The following KLHL1 variants were observed in gnomAD, a reference collection of about 807,000 sequenced individuals.
KLHL1 encodes the protein kelch like family member 1, also known as kelch-like protein 1.
Under a neutral mutation model 77.7 loss-of-function variants are expected in KLHL1, and 47 were observed. The ratio of observed to expected loss-of-function variants is 0.60; its 90% CI spans 0.48 to 0.77. The LOEUF (loss-of-function observed/expected upper bound fraction) is 0.77, where lower values mean the gene tolerates loss of function less well. Ranked by LOEUF, KLHL1 falls within the 30% of genes least tolerant of loss-of-function variation. The probability of loss-of-function intolerance (pLI) is 0.00; values close to 1 mark genes in which losing one functional copy is unlikely to be tolerated. For synonymous variants in KLHL1, 360 were observed against 325.2 expected, an observed-to-expected ratio of 1.11 and a Z score of -1.15; for missense variants, 925 against 910.8, an observed-to-expected ratio of 1.02 and a Z score of -0.20.
In KLHL1 at chr13:69,802,753, A is replaced by T. The variant is rs550528284; in HGVS notation, c.1415-5791T>A. ...ACCCCCATAGAGTTGTGAGCCCTTA[A>T]AAAGGACAGGAATTGCTCAGTCAGG... On this transcript the variant is annotated intron_variant, in intron 6 of 10. Transcript: ENST00000377844. Among the ~76,000 whole-genome samples the T allele has an allele frequency of 9.2e-5, 14 of 151,912 alleles. No homozygotes were observed. The South Asian group carries it at 2.9e-3, about 32-fold the overall frequency.
intron 1 of KLHL1, among the ~76,000 whole-genome samples, chr13:70,046,205 G>C (rs542875967): frequency 1.3e-5 from 2 of 152,010 alleles, no homozygotes; most frequent in East Asian, 3.9e-4. Flanking sequence ...TTTGTCACTG[G>C]AGCATAAGTG....
rs1437309036 is a variant in KLHL1, at chr13:69,700,813, CAT to C, written c.*887_*888del. On this transcript the variant is annotated 3_prime_UTR_variant, in exon 11 of 11. Coordinates refer to ENST00000377844, the MANE Select transcript of KLHL1 (RefSeq NM_020866.3). ...TCATAAACACTCCAACTTAATGGAT[CAT>C]ATGTTTTTCTTTTGAAATTCTAAGT... is the stretch of plus-strand genomic sequence containing the variant. 2 of 152,270 alleles carry C rather than the reference CAT, an allele frequency of 1.3e-5. No individual in the cohort carries two copies. Among genetic ancestry groups the C allele is most frequent in the African/African-American group, 4.8e-5 (2 of 41,400 alleles). The allele number at this position is 152,270 out of a possible 1,614,324, so 9.4% of individuals were successfully genotyped here. A position where few individuals can be genotyped will look rare whatever the true frequency, so the allele number is the denominator to read the frequency against.
intron 6 of KLHL1, among the ~76,000 whole-genome samples, chr13:69,822,113 C>A (rs1029304277): frequency 1.3e-5 from 2 of 149,684 alleles, no homozygotes; most frequent in Admixed American, 6.7e-5. Flanking sequence ...GCAGGAGAAT[C>A]GCTTGAACCC....
chr13:69,720,967 G>A (rs1873018373), intron 8 of KLHL1, among the ~76,000 whole-genome samples: 1 of 129,020 alleles, frequency 7.8e-6, no homozygotes, highest in African/African-American at 2.8e-5. Context: ...TAAATCCTGG[G>A]ACTCCCAAAT....
chr13:69,839,161 A>G lies in KLHL1; in HGVS notation c.1229T>C (p.Ile410Thr), dbSNP rs1879144137. ...FIRLPLLPPQILADLENHALF... is the reference protein window; with the variant it reads ...FIRLPLLPPQTLADLENHALF... ...TGCATGATTTTCTAGGTCAGCCAAT[A>G]TCTGTGAATAATACACAATAGCTGT... is the stretch of plus-strand genomic sequence containing the variant. The change falls in exon 6 of 11, where the codon ATA becomes ACA. Residue 410 changes from isoleucine (I) to threonine (T), a missense_variant and splice_region_variant. Physicochemically the swap from Ile to Thr is moderately conservative, Grantham distance 89 (BLOSUM62 -1). Coordinates refer to ENST00000377844, the MANE Select transcript of KLHL1 (RefSeq NM_020866.3). 6.3e-7 allele frequency: 1 copy of G among 1,583,388 alleles called. No homozygotes were observed. Among genetic ancestry groups the G allele is most frequent in the Non-Finnish European group, 8.6e-7 (1 of 1,159,166 alleles).
chr13:70,051,087 G>A lies in KLHL1; in HGVS notation c.497+56116C>T, dbSNP rs189637045. Reference sequence around the variant, plus strand: ...AAGATATTGGAAATGTCTAAATCACGGATTTCTACAAAAATAGACGTGTGG... The same window carrying A: ...AAGATATTGGAAATGTCTAAATCACAGATTTCTACAAAAATAGACGTGTGG... On this transcript the variant is annotated intron_variant, in intron 1 of 10. Coordinates refer to ENST00000377844, the MANE Select transcript of KLHL1 (RefSeq NM_020866.3). Among the ~76,000 whole-genome samples the A allele has an allele frequency of 4.6e-3, 698 of 151,932 alleles. 4 individuals are homozygous for A. Among genetic ancestry groups the A allele is most frequent in the African/African-American group, 0.016 (650 of 41,506 alleles).
At chr13:69,893,640 A>T (rs1274113067) in intron 4 of KLHL1, among the ~76,000 whole-genome samples, 3 of 152,252 alleles carry the variant, frequency 2.0e-5, no homozygotes, top group Non-Finnish European at 4.4e-5. Flanking sequence ...ATTGTTATGT[A>T]TGATGCTCTA....
At chr13:69,972,043 AGT>A (rs1486542346) in intron 2 of KLHL1, among the ~76,000 whole-genome samples, 1 of 151,982 alleles carries the variant, frequency 6.6e-6, no homozygotes, top group Non-Finnish European at 1.5e-5. Context: ...TATCAAACTG[AGT>A]GAGAGATTTA....
chr13:69,710,286 T>C (rs1425697868), intron 9 of KLHL1, among the ~76,000 whole-genome samples: 1 of 151,868 alleles, frequency 6.6e-6, no homozygotes, highest in African/African-American at 2.4e-5. Context: ...AATATATACA[T>C]ATATATTTTA....
In KLHL1 at chr13:69,909,603, TA is replaced by T. The variant is rs571537222; in HGVS notation, c.1015-27109del. On this transcript the variant is annotated intron_variant, in intron 4 of 10. Transcript: ENST00000377844. ...CCTTCCAAATACTTTTTCAATAATT[TA>T]ACACATAATAATAATTTAGATCAAT... Among the ~76,000 whole-genome samples, 18 of 152,150 alleles carry T rather than the reference TA, an allele frequency of 1.2e-4. No homozygotes were observed. The South Asian group carries it at 3.5e-3, about 30-fold the overall frequency.
chr13:69,944,496 T>C lies in KLHL1; in HGVS notation c.818-4260A>G, dbSNP rs928604781. Among the ~76,000 whole-genome samples the C allele has an allele frequency of 2.6e-5, 4 of 152,192 alleles. No homozygotes were observed. The East Asian group carries it at 7.7e-4, about 29-fold the overall frequency. Reference sequence around the variant, plus strand: ...ACTACATGCTGAGTCTTGTGAAGTATCCCAGTTCATCACTGAACGGGGCGT... The same window carrying C: ...ACTACATGCTGAGTCTTGTGAAGTACCCCAGTTCATCACTGAACGGGGCGT... On this transcript the variant is annotated intron_variant, in intron 3 of 10. Coordinates refer to ENST00000377844, the MANE Select transcript of KLHL1 (RefSeq NM_020866.3).
In KLHL1 at chr13:69,828,030, T is replaced by C. The variant is rs945241123; in HGVS notation, c.1414+10946A>G. On this transcript the variant is annotated intron_variant, in intron 6 of 10. Transcript: ENST00000377844. ...ATTGATGTGAAAATGGCAGATAGGA[T>C]ACAGGACTAACTTGCAGCTCCCACT... Among the ~76,000 whole-genome samples the C allele has an allele frequency of 2.2e-4, 33 of 150,362 alleles. 4 individuals are homozygous for C. Among genetic ancestry groups the C allele is most frequent in the African/African-American group, 7.2e-4 (29 of 40,106 alleles).
At chr13:69,970,896 T>C (rs967738125) in intron 2 of KLHL1, among the ~76,000 whole-genome samples, 1 of 152,150 alleles carries the variant, frequency 6.6e-6, no homozygotes, top group Admixed American at 6.6e-5. Flanking sequence ...TCCTTCAAAA[T>C]ACTGCTCAGT....
At chr13:69,800,680 A>G (rs570338420) in intron 6 of KLHL1, among the ~76,000 whole-genome samples, 1 of 152,202 alleles carries the variant, frequency 6.6e-6, no homozygotes, top group South Asian at 2.1e-4. Flanking sequence ...TATCTAAGCC[A>G]CCTCATTCTA....
At chr13:70,035,035 C>A (rs998847920) in intron 1 of KLHL1, among the ~76,000 whole-genome samples, 1 of 152,038 alleles carries the variant, frequency 6.6e-6, no homozygotes, top group Non-Finnish European at 1.5e-5. Flanking sequence ...ATTAAGCACA[C>A]TTCTTGGCAT....
chr13:70,099,363 AAG>A (rs1887870984), intron 1 of KLHL1, among the ~76,000 whole-genome samples: 1 of 151,860 alleles, frequency 6.6e-6, no homozygotes, highest in African/African-American at 2.4e-5. Flanking sequence ...ATGAAGATAA[AAG>A]AAAAAAGTTT....
chr13:69,720,108 C>G (rs1289302493), intron 8 of KLHL1, among the ~76,000 whole-genome samples: 1 of 151,914 alleles, frequency 6.6e-6, no homozygotes, highest in Non-Finnish European at 1.5e-5. Flanking sequence ...AGTGCCTATA[C>G]TATAGCTAAA....
At position 69,719,535 on chromosome 13, in the gene KLHL1, T is replaced by C. The variant is rs767957839; in HGVS notation, c.1849A>G (p.Met617Val). The C allele has an allele frequency of 1.9e-6, 3 of 1,613,298 alleles. No individual in the cohort carries two copies. Among genetic ancestry groups the C allele is most frequent in the Non-Finnish European group, 2.5e-6 (3 of 1,179,614 alleles). Residue 617 changes from methionine to valine, a missense_variant, in exon 9 of 11, where the codon ATG becomes GTG. Coordinates refer to ENST00000377844, the MANE Select transcript of KLHL1 (RefSeq NM_020866.3). ...TTTGTATGAGGATCATAATATTCCA[T>C]TGAACTCAAACAGGAACTTCCATCA... is the stretch of plus-strand genomic sequence containing the variant. ...GRDGSSCLSS[M>V]EYYDPHTNKW...
chr13:69,837,677 T>TATACAC (rs1879078704), intron 6 of KLHL1, among the ~76,000 whole-genome samples: 1 of 141,150 alleles, frequency 7.1e-6, no homozygotes, highest in African/African-American at 2.8e-5. Flanking sequence ...TGTGTATATA[T>TATACAC]ATATATATAT....
Sources: allele counts gnomAD v4.1 joint callset (sites outside exome capture counted in the v4.1 genomes callset), GRCh38; gene constraint gnomAD v4.1.1; transcripts MANE v1.5; gene names NCBI Gene and HGNC (gene_info 2026-07-23, HGNC 2026-07-21).